Variants in KANTR observed in about 807,000 individuals in gnomAD.
KANTR encodes KANTR integral membrane protein, also known as KDM5C adjacent transcript.
intron 2 of KANTR, among the ~76,000 whole-genome samples, chrX:53,134,192 T>C (rs1556817349): frequency 9.0e-6 from 1 of 110,676 alleles, no homozygotes; most frequent in African/African-American, 3.3e-5. Context: ...AGAAATCCCG[T>C]ATCTACTAAA....
chrX:53,115,817 G>T (rs928171642), intron 2 of KANTR, among the ~76,000 whole-genome samples: 2 of 111,935 alleles, frequency 1.8e-5, no homozygotes, highest in Non-Finnish European at 3.8e-5. Flanking sequence ...TCTTATTTCC[G>T]TGCTACACCC....
rs1474198546 is a variant in KANTR, at chrX:53,137,873, C to T, written n.204-3975C>T. Among the ~76,000 whole-genome samples, 8 of 109,244 alleles carry T rather than the reference C, an allele frequency of 7.3e-5. 1 individual carries two copies. Among genetic ancestry groups the T allele is most frequent in the East Asian group, 5.7e-4 (2 of 3,487 alleles). 94.9% of individuals were successfully genotyped at this position (109,244 alleles called of 115,157 possible). ...TTGTTTTTTTGTTTTGACAGAGTTTCGCCACCGTGCCTGGCCTATATCTTG... is the reference window on the plus strand; with the variant it reads ...TTGTTTTTTTGTTTTGACAGAGTTTTGCCACCGTGCCTGGCCTATATCTTG... On this transcript the variant is annotated intron_variant and non_coding_transcript_variant, in intron 2 of 2. Coordinates refer to the KANTR transcript ENST00000366185.
chrX:53,129,065 C>CTT (rs10550250), downstream of KANTR, among the ~76,000 whole-genome samples: 4 of 55,461 alleles, frequency 7.2e-5, no homozygotes, highest in Non-Finnish European at 1.1e-4. Context: ...TCTTCTTCTT[C>CTT]TTTTTTTTTT....
intron 2 of KANTR, among the ~76,000 whole-genome samples, chrX:53,104,689 C>T (rs1480330408): frequency 9.0e-6 from 1 of 111,160 alleles, no homozygotes; most frequent in Non-Finnish European, 1.9e-5. Flanking sequence ...TGGCTTCTTT[C>T]GCTGAGCATA....
chrX:53,129,311 G>A (rs1203721187), downstream of KANTR, among the ~76,000 whole-genome samples: 2 of 104,334 alleles, frequency 1.9e-5, no homozygotes, highest in South Asian at 9.0e-4. Context: ...GGATGGTCTC[G>A]ATCTCCTGAC....
chrX:53,110,490 C>G (rs782686302), intron 2 of KANTR, among the ~76,000 whole-genome samples: 1 of 111,950 alleles, frequency 8.9e-6, no homozygotes, highest in Non-Finnish European at 1.9e-5. Context: ...AGTAAATGAT[C>G]CATTTAATGT....
intron 2 of KANTR, among the ~76,000 whole-genome samples, chrX:53,119,763 A>T (rs1466251366): frequency 9.0e-6 from 1 of 111,587 alleles, no homozygotes; most frequent in Non-Finnish European, 1.9e-5. Flanking sequence ...TCTGTCACCC[A>T]GGCTGGAGTG....
chrX:53,120,727 T>C lies in KANTR; in HGVS notation c.-804-2742T>C, dbSNP rs904836434. 3.6e-5 allele frequency among the ~76,000 whole-genome samples: 4 copies of C among 110,865 alleles called. No homozygotes were observed. In the East Asian group the frequency reaches 1.1e-3, roughly 31 times the overall value. ...TATTATTTATTTTATTTATTTATTA[T>C]TTATTTATTTTTGAGTTCGCATCTC... is the stretch of plus-strand genomic sequence containing the variant. On this transcript the variant is annotated intron_variant, in intron 2 of 2. Transcript: ENST00000604062.
At chrX:53,143,535 A>G, downstream of KANTR, 1 of 618,025 alleles carries the variant, frequency 1.6e-6, no homozygotes, top group South Asian at 2.2e-5. Context: ...GGGGTGTTGA[A>G]GGTCTCAAAC....
chrX:53,099,017 GC>G (rs782582019), intron 1 of KANTR, among the ~76,000 whole-genome samples: 2 of 110,660 alleles, frequency 1.8e-5, no homozygotes, highest in Non-Finnish European at 3.8e-5. Flanking sequence ...GTGCCACCAT[GC>G]CCAGCTATTT....
rs183271586 is a variant in KANTR at position 53,134,200 on chromosome X, A to G, written n.204-7648A>G. On this transcript the variant is annotated intron_variant and non_coding_transcript_variant, in intron 2 of 2. Transcript: ENST00000366185. ...AACATGGAGAAATCCCGTATCTACT[A>G]AAAATACAAAAATTAGCCGGACGTG... is the stretch of plus-strand genomic sequence containing the variant. Among the ~76,000 whole-genome samples the G allele has an allele frequency of 8.8e-3, 972 of 110,732 alleles. 6 individuals are homozygous for G. The highest frequency in any genetic ancestry group is 0.014 in the Non-Finnish European group (720 of 52,950).
intron 2 of KANTR, among the ~76,000 whole-genome samples, chrX:53,100,110 G>A (rs1383658912): frequency 1.8e-5 from 2 of 112,307 alleles, no homozygotes; most frequent in African/African-American, 6.5e-5. Context: ...AAGCTTTGAA[G>A]CCAGGCATTG....
chrX:53,133,970 T>G (rs1282936051), intron 2 of KANTR, among the ~76,000 whole-genome samples: 1 of 111,799 alleles, frequency 8.9e-6, no homozygotes, highest in African/African-American at 3.3e-5. Flanking sequence ...CTTCACCTAA[T>G]TGTAGCAATA....
chrX:53,106,346 T>A (rs1266566614), intron 2 of KANTR, among the ~76,000 whole-genome samples: 1 of 110,112 alleles, frequency 9.1e-6, no homozygotes, highest in Non-Finnish European at 1.9e-5. Context: ...TTTATTCCTA[T>A]GTTTTCTTCT....
downstream of KANTR, chrX:53,142,930 G>A (rs1486043945): frequency 9.8e-6 from 7 of 716,415 alleles, no homozygotes; most frequent in South Asian, 6.5e-5. Flanking sequence ...AATCCACACC[G>A]AGTACTTGTG....
At chrX:53,120,078 G>A (rs888724844) in intron 2 of KANTR, among the ~76,000 whole-genome samples, 2 of 105,951 alleles carry the variant, frequency 1.9e-5, no homozygotes, top group Admixed American at 1.0e-4. Context: ...GCTGTGTCAT[G>A]CAGGCTGGAG....
chrX:53,142,978 G>C (rs1933524322), downstream of KANTR: 1 of 1,009,418 alleles, frequency 9.9e-7, no homozygotes, highest in South Asian at 1.9e-5. Flanking sequence ...CATGGTGCTG[G>C]ATGCCAGCGT....
At chrX:53,112,332 C>T (rs1379507241) in intron 2 of KANTR, among the ~76,000 whole-genome samples, 2 of 112,206 alleles carry the variant, frequency 1.8e-5, no homozygotes, top group Admixed American at 9.5e-5. Context: ...AGTAGTATTC[C>T]ATGGTGTATA....
chrX:53,098,402 G>T (rs1932863404), intron 1 of KANTR, among the ~76,000 whole-genome samples: 1 of 112,179 alleles, frequency 8.9e-6, no homozygotes, highest in Non-Finnish European at 1.9e-5. Context: ...ACTGAGCAGG[G>T]TGGTAGTTGC....
Sources: allele counts gnomAD v4.1 joint callset (sites outside exome capture counted in the v4.1 genomes callset), GRCh38; gene constraint gnomAD v4.1.1; transcripts MANE v1.5; gene names NCBI Gene and HGNC (gene_info 2026-07-23, HGNC 2026-07-21).